Variants in NEBL observed in about 807,000 individuals in gnomAD.
NEBL encodes the protein nebulette, also known as LIM and SH3 protein 2.
Under a neutral mutation model 140.2 loss-of-function variants are expected in NEBL, and 122 were observed. The ratio of observed to expected loss-of-function variants is 0.87; its 90% confidence interval spans 0.75 to 1.01. The LOEUF is 1.01. NEBL is among the 50% of genes least tolerant of loss of function. The pLI, the probability that NEBL is intolerant of heterozygous loss-of-function variation, is 0.00. For synonymous variants in NEBL, 436 were observed against 398.9 expected, an observed-to-expected ratio of 1.09 and a Z score of -1.11; for missense variants, 1,365 against 1,231.3, an observed-to-expected ratio of 1.11 and a Z score of -1.62.
rs115378522 is a variant in NEBL, at chr10:20,922,686, G to T, written c.357+38986C>A. ...AAATATAGGCAGAGTCAAGGAGGCC[G>T]TCCAGAATGCAGCCCAGCATGGGTG... On this transcript the variant is annotated intron_variant, in intron 4 of 6. Transcript: ENST00000417816. Among the ~76,000 whole-genome samples, 4 of 152,168 alleles carry T rather than the reference G, an allele frequency of 2.6e-5. No homozygotes were observed. The East Asian group carries it at 5.8e-4, about 22-fold the overall frequency.
At chr10:21,281,661 C>T (rs1280597421) in intron 1 of NEBL, among the ~76,000 whole-genome samples, 1 of 152,058 alleles carries the variant, frequency 6.6e-6, no homozygotes, top group Admixed American at 6.6e-5. Flanking sequence ...CATAAACCTA[C>T]GTTAACATAT....
chr10:20,946,862 TA>T (rs1356375167), intron 4 of NEBL, among the ~76,000 whole-genome samples: 1 of 152,164 alleles, frequency 6.6e-6, no homozygotes, highest in East Asian at 1.9e-4. Context: ...GGATAACATT[TA>T]TTTTTTTGCC....
chr10:20,874,348 G>A (rs1564409021), intron 5 of NEBL, among the ~76,000 whole-genome samples: 1 of 152,080 alleles, frequency 6.6e-6, no homozygotes, highest in Non-Finnish European at 1.5e-5. Flanking sequence ...CCATCCATTT[G>A]GAAACCATGA....
At chr10:21,139,950 A>C (rs984271630) in intron 2 of NEBL, among the ~76,000 whole-genome samples, 2 of 150,184 alleles carry the variant, frequency 1.3e-5, no homozygotes, top group Non-Finnish European at 3.0e-5. Flanking sequence ...CAGGAGTTCG[A>C]GACCAGCCCG....
At chr10:21,060,166 A>C (rs1835210941) in intron 2 of NEBL, among the ~76,000 whole-genome samples, 1 of 152,224 alleles carries the variant, frequency 6.6e-6, no homozygotes, top group Non-Finnish European at 1.5e-5. Flanking sequence ...CAGAAGTTAT[A>C]GTTTAAAGAG....
chr10:20,938,402 C>G (rs974234278), intron 4 of NEBL, among the ~76,000 whole-genome samples: 1 of 152,172 alleles, frequency 6.6e-6, no homozygotes, highest in Non-Finnish European at 1.5e-5. Flanking sequence ...GGAAAACTAA[C>G]AAACAGAAAG....
intron 2 of NEBL, among the ~76,000 whole-genome samples, chr10:21,068,166 T>C (rs886994863): frequency 1.3e-5 from 2 of 152,228 alleles, no homozygotes; most frequent in African/African-American, 2.4e-5. Context: ...TTTTTACAGA[T>C]ATTAATTACA....
At chr10:20,830,438 T>C (rs1840291103) in intron 16 of NEBL, among the ~76,000 whole-genome samples, 1 of 152,192 alleles carries the variant, frequency 6.6e-6, no homozygotes, top group Non-Finnish European at 1.5e-5. Context: ...TATAAATAAA[T>C]TCTTCTTCCA....
At chr10:21,286,296 T>C (rs1843054701) in intron 1 of NEBL, among the ~76,000 whole-genome samples, 1 of 152,222 alleles carries the variant, frequency 6.6e-6, no homozygotes, top group Non-Finnish European at 1.5e-5. Context: ...TTTAATGATT[T>C]ATTTAATAAC....
chr10:20,971,570 A>G (rs1198740444), intron 3 of NEBL, among the ~76,000 whole-genome samples: 1 of 142,358 alleles, frequency 7.0e-6, no homozygotes, highest in Non-Finnish European at 1.5e-5. Flanking sequence ...AGCATTAGGT[A>G]TATCTCCCAA....
intron 2 of NEBL, among the ~76,000 whole-genome samples, chr10:21,067,947 C>T (rs568767901): frequency 6.6e-6 from 1 of 151,976 alleles, no homozygotes; most frequent in Admixed American, 6.6e-5. Context: ...CCATGCACTC[C>T]AGCCTGGGTG....
At chr10:20,829,651 A>G (rs1014580245) in intron 16 of NEBL, among the ~76,000 whole-genome samples, 3 of 152,162 alleles carry the variant, frequency 2.0e-5, no homozygotes, top group Non-Finnish European at 4.4e-5. Context: ...AGGCTTCATT[A>G]CACCCTCGTA....
intron 12 of NEBL, among the ~76,000 whole-genome samples, chr10:20,842,568 C>A (rs915355103): frequency 4.6e-5 from 7 of 152,000 alleles, no homozygotes; most frequent in African/African-American, 1.7e-4. Flanking sequence ...CAAGCTATAA[C>A]TATTTTTTAA....
chr10:21,126,139 C>T (rs1838820519), intron 2 of NEBL: 2 of 1,593,950 alleles, frequency 1.3e-6, no homozygotes, highest in South Asian at 1.1e-5. Flanking sequence ...GGATAAAGTG[C>T]AGCTGTCCGT....
intron 3 of NEBL, among the ~76,000 whole-genome samples, chr10:21,202,638 A>T (rs1185538322): frequency 2.0e-5 from 3 of 150,590 alleles, no homozygotes; most frequent in Admixed American, 1.3e-4. Context: ...AATTTTTTGT[A>T]TTTATAGTAG....
chr10:21,164,945 T>C (rs771090480), intron 2 of NEBL, among the ~76,000 whole-genome samples: 21 of 152,260 alleles, frequency 1.4e-4, no homozygotes, highest in Admixed American at 3.3e-4. Flanking sequence ...CAGGGCACAT[T>C]GCAGTGGATG....
At chr10:21,035,367 T>C (rs1833972801) in intron 2 of NEBL, among the ~76,000 whole-genome samples, 1 of 150,026 alleles carries the variant, frequency 6.7e-6, no homozygotes, top group Admixed American at 6.6e-5. Flanking sequence ...CAACAGTATG[T>C]GTTAAAGAAA....
chr10:20,931,269 T>A (rs926025625), intron 4 of NEBL, among the ~76,000 whole-genome samples: 5 of 151,882 alleles, frequency 3.3e-5, no homozygotes, highest in South Asian at 2.1e-4. Flanking sequence ...ATGAGATTTT[T>A]AAAAAAAAAT....
chr10:21,015,845 G>A (rs980636354), intron 3 of NEBL, among the ~76,000 whole-genome samples: 1 of 152,096 alleles, frequency 6.6e-6, no homozygotes, highest in Non-Finnish European at 1.5e-5. Context: ...CTTTCATCTC[G>A]CCTGGATGTT....
Sources: gnomAD v4.1 joint callset for allele counts (sites outside exome capture counted in the v4.1 genomes callset) on GRCh38, gnomAD v4.1.1 for gene constraint, MANE v1.5 for transcripts, NCBI Gene and HGNC (gene_info 2026-07-23, HGNC 2026-07-21) for gene names.